The following RELL1 variants were observed in gnomAD, a reference collection of about 807,000 sequenced individuals.
RELL1 encodes RELT-like protein 1.
A neutral mutation model predicts 23.0 loss-of-function variants in RELL1; 10 were observed. That is an observed-to-expected ratio of 0.43 (90% confidence interval 0.27 to 0.74). The LOEUF is 0.74. RELL1 is among the 30% of genes least tolerant of loss of function. The pLI, the probability that RELL1 is intolerant of heterozygous loss-of-function variation, is 0.19. For synonymous variants in RELL1, 146 were observed against 146.8 expected, an observed-to-expected ratio of 0.99 and a Z score of 0.04; for missense variants, 315 against 364.4, an observed-to-expected ratio of 0.86 and a Z score of 1.10.
intron 6 of RELL1, chr4:37,623,183 A>G (rs1719829267): frequency 4.3e-6 from 1 of 234,140 alleles, no homozygotes; most frequent in Admixed American, 5.2e-5. Flanking sequence ...CTGCAAGTCT[A>G]TGACCTTCAT....
At chr4:37,597,486 T>C (rs1211313517) in intron 6 of RELL1, among the ~76,000 whole-genome samples, 1 of 152,206 alleles carries the variant, frequency 6.6e-6, no homozygotes, top group Non-Finnish European at 1.5e-5. Context: ...CTCATTCTTT[T>C]CCATTCTCCA....
In RELL1 at chr4:37,612,636, C is replaced by CAAAAAAAAAAAAAAAAA. The variant is rs978165271; in HGVS notation, c.*693_*709dup. Among the ~76,000 whole-genome samples the CAAAAAAAAAAAAAAAAA allele has an allele frequency of 8.8e-4, 53 of 60,166 alleles. No homozygotes were observed. Among genetic ancestry groups the CAAAAAAAAAAAAAAAAA allele is most frequent in the African/African-American group, 2.7e-3 (49 of 18,004 alleles). The allele number at this position is 60,166 out of a possible 152,430, so 39.5% of individuals were successfully genotyped here. On this transcript the variant is annotated 3_prime_UTR_variant, in exon 7 of 7. Coordinates refer to ENST00000454158, the MANE Select transcript of RELL1 (RefSeq NM_001085400.2). ...TAGGGGACACAGCGAGACTCTGCCT[C>CAAAAAAAAAAAAAAAAA]AAAAAAAAAAAAAAAAAAACCTTCT...
At chr4:37,628,577 G>A (rs2109254300) in intron 6 of RELL1, among the ~76,000 whole-genome samples, 1 of 152,284 alleles carries the variant, frequency 6.6e-6, no homozygotes, top group South Asian at 2.1e-4. Context: ...ATTACAACAA[G>A]TTGGAGGCTC....
At chr4:37,596,736 A>ATATTTT (rs1365185216) in intron 6 of RELL1, among the ~76,000 whole-genome samples, 1 of 16,510 alleles carries the variant, frequency 6.1e-5, no homozygotes, top group Non-Finnish European at 1.5e-4. Context: ...ATATATATAT[A>ATATTTT]TTTTTTTTTT....
At chr4:37,588,810 C>G, downstream of RELL1, 1 of 1,427,634 alleles carries the variant, frequency 7.0e-7, no homozygotes, top group South Asian at 1.1e-5. Flanking sequence ...ATATATCACT[C>G]ACTGTGTTCT....
chr4:37,655,333 AC>A (rs1281096116), intron 1 of RELL1, among the ~76,000 whole-genome samples: 1 of 151,976 alleles, frequency 6.6e-6, no homozygotes, highest in Non-Finnish European at 1.5e-5. Context: ...TGAGCTCCTA[AC>A]CCCCAATACC....
At chr4:37,649,856 C>T (rs1342818530) in intron 1 of RELL1, among the ~76,000 whole-genome samples, 1 of 152,194 alleles carries the variant, frequency 6.6e-6, no homozygotes, top group Non-Finnish European at 1.5e-5. Flanking sequence ...AACACATAAA[C>T]ACTACATGTA....
At chr4:37,682,767 A>G (rs1722264837) in intron 1 of RELL1, among the ~76,000 whole-genome samples, 2 of 152,250 alleles carry the variant, frequency 1.3e-5, no homozygotes, top group Non-Finnish European at 2.9e-5. Context: ...AGAATTTAAT[A>G]AAGCTTATCT....
chr4:37,668,427 A>C (rs928299200), intron 1 of RELL1, among the ~76,000 whole-genome samples: 1 of 152,100 alleles, frequency 6.6e-6, no homozygotes, highest in Non-Finnish European at 1.5e-5. Flanking sequence ...TGTGTTGGCC[A>C]GGCTGGTCTC....
chr4:37,633,568 T>C (rs1200256883), intron 5 of RELL1, among the ~76,000 whole-genome samples: 2 of 152,184 alleles, frequency 1.3e-5, no homozygotes, highest in Non-Finnish European at 2.9e-5. Flanking sequence ...ATGACTCTGC[T>C]TCTTAATAAA....
At chr4:37,649,598 C>T in intron 1 of RELL1, 98 bp from the exon 2 acceptor site, 1 of 1,079,398 alleles carries the variant, frequency 9.3e-7, no homozygotes, top group Admixed American at 2.1e-5. Context: ...AGGGTCTGCT[C>T]CCGAAACCAC....
chr4:37,635,083 G>A lies in RELL1; in HGVS notation c.484C>T (p.Pro162Ser). 1.2e-6 allele frequency: 2 copies of A among 1,614,228 alleles called. No homozygotes were observed. Among genetic ancestry groups the A allele is most frequent in the African/African-American group, 1.3e-5 (1 of 75,036 alleles). ...PSTPGSPPVS[P>S]GPLSPGGTPG... The stretch of plus-strand genomic sequence containing the variant: ...GTCCCCCCTGGTGACAAAGGCCCAG[G>A]ACTCACTGGCGGGCTCCCTGGTGTG... The change falls in exon 5 of 7, where the codon CCT (proline) becomes TCT (serine). Residue 162 changes from proline to serine, a missense_variant. Coordinates refer to ENST00000454158, the MANE Select transcript of RELL1 (RefSeq NM_001085400.2).
intron 6 of RELL1, among the ~76,000 whole-genome samples, chr4:37,599,125 A>G (rs2109483571): frequency 6.6e-6 from 1 of 152,312 alleles, no homozygotes; most frequent in South Asian, 2.1e-4. Context: ...GTCAATTGGG[A>G]TTAAAAGGGG....
At chr4:37,628,214 T>C (rs1052667460) in intron 6 of RELL1, among the ~76,000 whole-genome samples, 1 of 152,146 alleles carries the variant, frequency 6.6e-6, no homozygotes, top group African/African-American at 2.4e-5. Flanking sequence ...GACCTGCTCG[T>C]CTTGGACCCA....
chr4:37,596,039 C>T (rs1360419219), intron 6 of RELL1, among the ~76,000 whole-genome samples: 1 of 152,204 alleles, frequency 6.6e-6, no homozygotes, highest in Admixed American at 6.5e-5. Context: ...ACACCTGCAG[C>T]CATGCGTCAT....
At chr4:37,602,371 C>CATTTTCTCCAGCAA (rs2109488107) in intron 6 of RELL1, among the ~76,000 whole-genome samples, 1 of 146,854 alleles carries the variant, frequency 6.8e-6, no homozygotes, top group African/African-American at 2.5e-5. Context: ...AGCAATAAAC[C>CATTTTCTCCAGCAA]ATTTTTTCCA....
chr4:37,681,518 GTTTTTTTTTTT>G (rs55800176), intron 1 of RELL1, among the ~76,000 whole-genome samples: 2 of 56,870 alleles, frequency 3.5e-5, no homozygotes, highest in African/African-American at 7.1e-5. Context: ...GTCTCCTTCT[GTTTTTTTTTTT>G]TTTTTTTTTT....
rs978165271 is a variant in RELL1, at chr4:37,612,636, C to CA, written c.*709dup. ...TAGGGGACACAGCGAGACTCTGCCT[C>CA]AAAAAAAAAAAAAAAAAAACCTTCT... On this transcript the variant is annotated 3_prime_UTR_variant, in exon 7 of 7. Transcript: ENST00000454158. Among the ~76,000 whole-genome samples, 6,241 of 59,580 alleles carry CA rather than the reference C, an allele frequency of 0.1. 323 individuals are homozygous for CA. The highest frequency in any genetic ancestry group is 0.2 in the African/African-American group (3,621 of 17,906). 39.1% of individuals were successfully genotyped at this position (59,580 alleles called of 152,430 possible).
intron 6 of RELL1, among the ~76,000 whole-genome samples, chr4:37,597,459 T>C (rs965767754): frequency 7.2e-5 from 11 of 152,126 alleles, no homozygotes; most frequent in Non-Finnish European, 1.2e-4. Flanking sequence ...CACAAAAAAA[T>C]CCATTTCTAG....
Sources: gnomAD v4.1 joint callset for allele counts (sites outside exome capture counted in the v4.1 genomes callset) on GRCh38, gnomAD v4.1.1 for gene constraint, MANE v1.5 for transcripts, NCBI Gene and HGNC (gene_info 2026-07-23, HGNC 2026-07-21) for gene names.